TENM2: variants seen among roughly 807,000 people sequenced by gnomAD.
The protein encoded by TENM2 is teneurin-2.
Under a neutral mutation model 245.2 loss-of-function variants are expected in TENM2, and 52 were observed. The ratio of observed to expected loss-of-function variants is 0.21; its 90% CI spans 0.17 to 0.27. The LOEUF is 0.27. TENM2 is among the 10% of genes least tolerant of loss of function. The pLI is 1.00. For synonymous variants in TENM2, 1,363 were observed against 1,438.9 expected, an observed-to-expected ratio of 0.95 and a Z score of 1.19; for missense variants, 3,046 against 3,666.8, an observed-to-expected ratio of 0.83 and a Z score of 4.37.
chr5:167,045,873 T>C, the TENM2 span, among the ~76,000 whole-genome samples: 2 of 152,268 alleles, frequency 1.3e-5, no homozygotes, highest in East Asian at 3.9e-4. Context: ...CTTTACGAGA[T>C]TGAGGGTTGC....
chr5:168,036,827 T>C (rs1787753753), intron 5 of TENM2, among the ~76,000 whole-genome samples: 1 of 151,380 alleles, frequency 6.6e-6, no homozygotes, highest in African/African-American at 2.4e-5. Flanking sequence ...CTTGTATCAC[T>C]TATCTAATTG....
chr5:167,690,522 C>T (rs1307252130), intron 2 of TENM2, among the ~76,000 whole-genome samples: 1 of 152,134 alleles, frequency 6.6e-6, no homozygotes, highest in African/African-American at 2.4e-5. Context: ...GGGCACTGAA[C>T]AGAGAGAGCT....
chr5:167,887,707 C>T (rs1278095960), intron 3 of TENM2, among the ~76,000 whole-genome samples: 1 of 152,180 alleles, frequency 6.6e-6, no homozygotes, highest in African/African-American at 2.4e-5. Context: ...TTGTAGGGTA[C>T]AGCTACAATC....
chr5:167,349,988 A>G (rs1253485359), intron 1 of TENM2, among the ~76,000 whole-genome samples: 1 of 152,220 alleles, frequency 6.6e-6, no homozygotes, highest in African/African-American at 2.4e-5. Context: ...TATAGTACAA[A>G]TAATCAGAAA....
intron 3 of TENM2, among the ~76,000 whole-genome samples, chr5:167,879,144 A>G (rs1420133510): frequency 2.0e-5 from 3 of 152,178 alleles, no homozygotes; most frequent in Non-Finnish European, 4.4e-5. Flanking sequence ...TTTTTCCCCA[A>G]CATGAAAAAC....
chr5:168,122,437 A>C (rs867097652), intron 10 of TENM2, among the ~76,000 whole-genome samples: 5 of 152,118 alleles, frequency 3.3e-5, no homozygotes, highest in African/African-American at 9.7e-5. Context: ...CGGCCTCCCA[A>C]AGTGCTGGGA....
intron 2 of TENM2, among the ~76,000 whole-genome samples, chr5:167,514,043 A>G (rs933056546): frequency 3.3e-5 from 5 of 151,414 alleles, no homozygotes; most frequent in South Asian, 2.1e-4. Flanking sequence ...TGAATAGATC[A>G]GAGTGTTTCA....
At chr5:167,153,789 T>A in the TENM2 span, among the ~76,000 whole-genome samples, 1 of 151,912 alleles carries the variant, frequency 6.6e-6, no homozygotes, top group Admixed American at 6.6e-5. Flanking sequence ...TCCCAGTTAA[T>A]AAAAAAACTG....
At chr5:166,997,724 T>A in the TENM2 span, among the ~76,000 whole-genome samples, 3 of 152,126 alleles carry the variant, frequency 2.0e-5, no homozygotes, top group Admixed American at 6.6e-5. Context: ...AGAAACAGCA[T>A]CAGGGAAGAC....
At chr5:167,535,706 C>T (rs1326208270) in intron 2 of TENM2, among the ~76,000 whole-genome samples, 1 of 152,294 alleles carries the variant, frequency 6.6e-6, no homozygotes. Flanking sequence ...AGATGTCATT[C>T]CCTCACCAAA....
chr5:167,133,617 GGAAAAAAA>G, the TENM2 span, among the ~76,000 whole-genome samples: 11 of 67,550 alleles, frequency 1.6e-4, no homozygotes, highest in South Asian at 4.9e-3. Context: ...ACTCAAACTT[GGAAAAAAA>G]AAAAAAAAAG....
chr5:167,228,952 G>A, the TENM2 span, among the ~76,000 whole-genome samples: 12 of 151,878 alleles, frequency 7.9e-5, no homozygotes, highest in East Asian at 1.9e-4. Flanking sequence ...CGCCCACCTC[G>A]CCCTCCCAAA....
At position 167,572,243 on chromosome 5, in the gene TENM2, G is replaced by T. The variant is rs1034487077; in HGVS notation, c.502+196770G>T. On this transcript the variant is annotated intron_variant, in intron 2 of 28. Transcript: ENST00000518659. ...CTCTTTGGGCACAGCAATGTGGCCAGTGTGGGGGAAGAGAGTGTTATTCTT... is the reference window on the plus strand; with the variant it reads ...CTCTTTGGGCACAGCAATGTGGCCATTGTGGGGGAAGAGAGTGTTATTCTT... Among the ~76,000 whole-genome samples the T allele has an allele frequency of 1.8e-4, 28 of 152,242 alleles. 1 individual carries two copies. The highest frequency in any genetic ancestry group is 5.9e-5 in the Non-Finnish European group (4 of 68,044).
intron 2 of TENM2, among the ~76,000 whole-genome samples, chr5:167,584,884 G>C (rs557952242): frequency 1.8e-4 from 27 of 152,008 alleles, no homozygotes; most frequent in African/African-American, 6.5e-4. Flanking sequence ...TAGTAGATTT[G>C]GGGCTACACC....
At chr5:167,495,244 G>T (rs200116701) in intron 2 of TENM2, among the ~76,000 whole-genome samples, 81 of 143,152 alleles carry the variant, frequency 5.7e-4, no homozygotes, top group Admixed American at 1.8e-3. Flanking sequence ...TTTGTTTTTT[G>T]TTTTTTTTTT....
At chr5:168,202,047 C>T (rs751012024) in intron 17 of TENM2, among the ~76,000 whole-genome samples, 1 of 152,136 alleles carries the variant, frequency 6.6e-6, no homozygotes, top group Non-Finnish European at 1.5e-5. Flanking sequence ...CATCAAGAGG[C>T]ACCTAAAGTC....
intron 14 of TENM2, among the ~76,000 whole-genome samples, chr5:168,194,294 G>A (rs1252229499): frequency 1.3e-5 from 2 of 152,142 alleles, no homozygotes; most frequent in Non-Finnish European, 2.9e-5. Flanking sequence ...ATGAGAGGAG[G>A]CATGCACATT....
rs547929947 is a variant in TENM2, at chr5:168,209,603, G to T, written c.3825-2131G>T. On this transcript the variant is annotated intron_variant, in intron 19 of 28. Transcript: ENST00000518659. Reference sequence around the variant, plus strand: ...ACTCCAAGTGCACCTTCCTCAAGGGGAAAATGTGGCACAGAGAGAGTTGGA... The same window carrying T: ...ACTCCAAGTGCACCTTCCTCAAGGGTAAAATGTGGCACAGAGAGAGTTGGA... Among the ~76,000 whole-genome samples, 3 of 152,274 alleles carry T rather than the reference G, an allele frequency of 2.0e-5. 1 individual carries two copies. Among genetic ancestry groups the T allele is most frequent in the Admixed American group, 2.0e-4 (3 of 15,298 alleles).
At chr5:168,039,567 G>A (rs1304260838) in intron 5 of TENM2, among the ~76,000 whole-genome samples, 1 of 152,010 alleles carries the variant, frequency 6.6e-6, no homozygotes, top group Admixed American at 6.6e-5. Context: ...GAAAAAAATT[G>A]CAGCAGGAAC....
Sources: gnomAD v4.1 joint callset for allele counts (sites outside exome capture counted in the v4.1 genomes callset) on GRCh38, gnomAD v4.1.1 for gene constraint, MANE v1.5 for transcripts, NCBI Gene and HGNC (gene_info 2026-07-23, HGNC 2026-07-21) for gene names.